Variants in CREB5 observed in about 807,000 individuals in gnomAD.
CREB5 encodes cAMP responsive element binding protein 5.
A neutral mutation model predicts 57.1 loss-of-function variants in CREB5; 19 were observed. That is an observed-to-expected ratio of 0.33 (90% CI 0.23 to 0.49). CREB5 has a LOEUF of 0.49. CREB5 is among the 20% of genes least tolerant of loss of function. The pLI, the probability that CREB5 is intolerant of heterozygous loss-of-function variation, is 0.99. For synonymous variants in CREB5, 238 were observed against 238.3 expected, an observed-to-expected ratio of 1.00 and a Z score of 0.01; for missense variants, 579 against 671.6, an observed-to-expected ratio of 0.86 and a Z score of 1.52.
At chr7:28,393,336 G>A (rs1204786509) in intron 1 of CREB5, among the ~76,000 whole-genome samples, 1 of 152,144 alleles carries the variant, frequency 6.6e-6, no homozygotes, top group Admixed American at 6.5e-5. Context: ...CGAGCTAAAG[G>A]TTTAGATTTT....
Position 28,318,182 on chromosome 7 carries a change from C to A in CREB5, c.-25+18741C>A, listed in dbSNP as rs116928881. Among the ~76,000 whole-genome samples, 249 of 152,314 alleles carry A rather than the reference C, an allele frequency of 1.6e-3. 7 individuals carry two copies. In the East Asian group the frequency reaches 0.038, roughly 23 times the overall value. ...ATTCTGACATTCCAATCTACCACAG[C>A]CTATGTTTCTTCTACAAATCCTATG... On this transcript the variant is annotated intron_variant, in intron 1 of 9. Coordinates refer to the CREB5 transcript ENST00000396299.
At chr7:28,544,260 G>A (rs1465523073) in intron 4 of CREB5, among the ~76,000 whole-genome samples, 1 of 152,082 alleles carries the variant, frequency 6.6e-6, no homozygotes, top group African/African-American at 2.4e-5. Flanking sequence ...CATGGCCGGG[G>A]CTTTGTAAAT....
chr7:28,389,275 A>G (rs1428164856), intron 1 of CREB5, among the ~76,000 whole-genome samples: 9 of 152,190 alleles, frequency 5.9e-5, no homozygotes, highest in African/African-American at 2.2e-4. Context: ...CAAATCTGAG[A>G]CTAGAGAAAA....
chr7:28,600,678 A>G (rs1048076906), intron 5 of CREB5, among the ~76,000 whole-genome samples: 1 of 152,202 alleles, frequency 6.6e-6, no homozygotes, highest in East Asian at 1.9e-4. Context: ...TTCTATTACA[A>G]ATAAAAGTTA....
In CREB5 at chr7:28,306,548, TTTTTTTG is replaced by T. The variant is rs1562649502; in HGVS notation, c.-25+7114_-25+7120del. On this transcript the variant is annotated intron_variant, in intron 1 of 9. Transcript: ENST00000396299. ...CCAGTACATACAGATACAGTTTTGT[TTTTTTTG>T]TTTTTTTTTTTTTTTTTTTTTTTGA... Among the ~76,000 whole-genome samples, 318 of 85,122 alleles carry T rather than the reference TTTTTTTG, an allele frequency of 3.7e-3. 26 individuals are homozygous for T. Among genetic ancestry groups the T allele is most frequent in the African/African-American group, 0.014 (274 of 19,670 alleles). 55.8% of individuals were successfully genotyped at this position (85,122 alleles called of 152,430 possible).
At position 28,570,402 on chromosome 7, in the gene CREB5, CG is replaced by C. The variant is rs1262010606; in HGVS notation, c.333del (p.Gly113GlufsTer18). 5 of 1,613,912 alleles carry C rather than the reference CG, an allele frequency of 3.1e-6. No individual in the cohort carries two copies. Among genetic ancestry groups the C allele is most frequent in the Non-Finnish European group, 3.4e-6 (4 of 1,179,920 alleles). ...CATAATGCAGTTGGTGGGGCCATGACGGGGCCCGGAACTCACCAGCTTAGCA... is the reference window on the plus strand; with the variant it reads ...CATAATGCAGTTGGTGGGGCCATGACGGGCCCGGAACTCACCAGCTTAGCA... The part of the protein sequence containing the change: ...SMHNAVGGAM[T>X]GPGTHQLSSA... On this transcript the variant is annotated frameshift_variant, in exon 5 of 11. Transcript: ENST00000357727. LOFTEE classifies it high-confidence loss of function.
chr7:28,485,524 A>G (rs952893616), intron 1 of CREB5, among the ~76,000 whole-genome samples: 1 of 152,098 alleles, frequency 6.6e-6, no homozygotes, highest in African/African-American at 2.4e-5. Flanking sequence ...CCTCCAAACA[A>G]CACACAAATA....
At chr7:28,395,237 A>G (rs958632456) in intron 1 of CREB5, among the ~76,000 whole-genome samples, 7 of 152,208 alleles carry the variant, frequency 4.6e-5, no homozygotes, top group African/African-American at 1.7e-4. Flanking sequence ...GTATTCATCT[A>G]TTCTCAAGGG....
chr7:28,771,403 G>A (rs187722872), intron 7 of CREB5, among the ~76,000 whole-genome samples: 4 of 152,246 alleles, frequency 2.6e-5, no homozygotes, highest in Admixed American at 1.3e-4. Flanking sequence ...GTGTTTTCTG[G>A]TTGTCCTCTG....
intron 7 of CREB5, among the ~76,000 whole-genome samples, chr7:28,756,565 A>C (rs1330060417): frequency 1.3e-5 from 2 of 151,744 alleles, no homozygotes; most frequent in Admixed American, 6.6e-5. Context: ...TCCAAAAAAA[A>C]AAAAACAGCA....
chr7:28,790,452 GAGAGAGAGAT>G (rs1330850558), intron 7 of CREB5, among the ~76,000 whole-genome samples: 1,172 of 33,918 alleles, frequency 0.035, 14 homozygotes, highest in African/African-American at 0.11. Flanking sequence ...GAGAGAGAGA[GAGAGAGAGAT>G]AGAGAGAGAG....
Position 28,819,059 on chromosome 7 carries a change from A to G in CREB5, c.1364-57A>G, listed in dbSNP as rs1809607481. The G allele has an allele frequency of 1.9e-6, 3 of 1,546,394 alleles. No homozygotes were observed. In the East Asian group the frequency reaches 6.7e-5, roughly 35 times the overall value. On this transcript the variant is annotated intron_variant, in intron 10 of 10. Transcript: ENST00000357727. Reference sequence around the variant, plus strand: ...TGAGGAGTCCACAAGTCCATACAAAAAAGACCTATATTGGTGTGTGTGTAT... The same window carrying G: ...TGAGGAGTCCACAAGTCCATACAAAGAAGACCTATATTGGTGTGTGTGTAT...
intron 7 of CREB5, among the ~76,000 whole-genome samples, chr7:28,791,144 T>C (rs1807685672): frequency 6.6e-6 from 1 of 152,190 alleles, no homozygotes; most frequent in Admixed American, 6.5e-5. Context: ...GAAACTAGGG[T>C]GGAGTGGACA....
intron 1 of CREB5, among the ~76,000 whole-genome samples, chr7:28,380,958 T>C (rs1315035677): frequency 3.3e-5 from 5 of 152,186 alleles, no homozygotes; most frequent in Non-Finnish European, 7.3e-5. Flanking sequence ...CATGAAATTA[T>C]AATGTTGTCT....
intron 1 of CREB5, among the ~76,000 whole-genome samples, chr7:28,381,325 C>T (rs769967134): frequency 2.9e-4 from 44 of 152,150 alleles, no homozygotes; most frequent in Non-Finnish European, 5.6e-4. Context: ...AGTTTGCTTT[C>T]GTATTCACAG....
intron 5 of CREB5, among the ~76,000 whole-genome samples, chr7:28,628,976 C>A (rs1049098631): frequency 5.9e-5 from 9 of 152,166 alleles, no homozygotes; most frequent in Admixed American, 5.9e-4. Context: ...CCCACGTCCC[C>A]TCTTCCCGCT....
intron 9 of CREB5, among the ~76,000 whole-genome samples, chr7:28,815,907 AT>A (rs1250534309): frequency 6.6e-6 from 1 of 152,116 alleles, no homozygotes. Flanking sequence ...ACTTGATTCC[AT>A]TTTCTAAGAT....
At chr7:28,528,579 C>G (rs11773856) in intron 4 of CREB5, among the ~76,000 whole-genome samples, 8,125 of 151,970 alleles carry the variant, frequency 0.053, 255 homozygotes, top group South Asian at 0.11. Flanking sequence ...TGGCACATGC[C>G]TGTAATCCCA....
intron 5 of CREB5, among the ~76,000 whole-genome samples, chr7:28,576,168 A>G (rs1393102386): frequency 6.6e-6 from 1 of 152,146 alleles, no homozygotes; most frequent in Non-Finnish European, 1.5e-5. Flanking sequence ...AGCCTGCTCT[A>G]CTCGGGAGAG....
Sources: gnomAD v4.1 joint callset for allele counts (sites outside exome capture counted in the v4.1 genomes callset) on GRCh38, gnomAD v4.1.1 for gene constraint, MANE v1.5 for transcripts, NCBI Gene and HGNC (gene_info 2026-07-23, HGNC 2026-07-21) for gene names.